The following RPS6KC1 variants were observed in gnomAD, a reference collection of about 807,000 sequenced individuals.
RPS6KC1 encodes inactive ribosomal protein S6 kinase delta-1.
A neutral mutation model predicts 103.8 loss-of-function variants in RPS6KC1; 54 were observed. The ratio of observed to expected loss-of-function variants is 0.52; its 90% CI spans 0.42 to 0.65. The LOEUF is 0.65. Ranked by LOEUF, RPS6KC1 falls within the 30% of genes least tolerant of loss-of-function variation. The probability of loss-of-function intolerance (pLI) is 0.00; values close to 1 mark genes in which losing one functional copy is unlikely to be tolerated. For missense variants in RPS6KC1, 1,151 were observed against 1,253.8 expected (o/e 0.92, Z 1.24); for synonymous variants, 439 against 438.7 (o/e 1.00, Z -0.01).
the RPS6KC1 span, among the ~76,000 whole-genome samples, chr1:213,715,504 C>T: frequency 1.3e-5 from 2 of 152,306 alleles, no homozygotes; most frequent in Middle Eastern, 3.4e-3. Flanking sequence ...GCATTTGGTT[C>T]AGGTCTTCCA....
At chr1:213,429,663 T>C in the RPS6KC1 span, among the ~76,000 whole-genome samples, 327 of 152,330 alleles carry the variant, frequency 2.1e-3, 2 homozygotes, top group African/African-American at 7.5e-3. Flanking sequence ...AACTCTATGA[T>C]GAATTCTAGT....
chr1:213,690,222 C>G, the RPS6KC1 span, among the ~76,000 whole-genome samples: 31,042 of 152,134 alleles, frequency 0.2, 3,770 homozygotes, highest in South Asian at 0.41. Context: ...TTTTTCTTCT[C>G]TTTTGTTCCT....
At chr1:213,512,745 T>C in the RPS6KC1 span, among the ~76,000 whole-genome samples, 8 of 152,204 alleles carry the variant, frequency 5.3e-5, no homozygotes, top group Admixed American at 2.0e-4. Context: ...GAAGAAGTAG[T>C]GTTGTCCTTG....
the RPS6KC1 span, among the ~76,000 whole-genome samples, chr1:213,595,190 A>G: frequency 6.6e-6 from 1 of 152,158 alleles, no homozygotes; most frequent in African/African-American, 2.4e-5. Context: ...AAACGCCACC[A>G]TTATCTGTAT....
chr1:213,264,377 T>A (rs1051103122), intron 14 of RPS6KC1, among the ~76,000 whole-genome samples: 1 of 152,202 alleles, frequency 6.6e-6, no homozygotes, highest in Non-Finnish European at 1.5e-5. Flanking sequence ...TTCATCTTAT[T>A]CGTTGTGGCA....
chr1:213,233,774 C>G (rs1297550212), intron 10 of RPS6KC1, among the ~76,000 whole-genome samples: 1 of 152,008 alleles, frequency 6.6e-6, no homozygotes, highest in Non-Finnish European at 1.5e-5. Context: ...ATTTTAGATC[C>G]TTCTTTACTA....
chr1:213,327,437 C>T, the RPS6KC1 span, among the ~76,000 whole-genome samples: 1 of 152,218 alleles, frequency 6.6e-6, no homozygotes, highest in South Asian at 2.1e-4. Flanking sequence ...GGCACTTTGG[C>T]ATGTGCCTCC....
chr1:213,130,560 A>T (rs1166461213), intron 6 of RPS6KC1, among the ~76,000 whole-genome samples: 2 of 152,176 alleles, frequency 1.3e-5, no homozygotes, highest in Non-Finnish European at 2.9e-5. Flanking sequence ...CATTTACAGA[A>T]GATCATCATT....
the RPS6KC1 span, among the ~76,000 whole-genome samples, chr1:213,681,462 G>A: frequency 2.4e-4 from 36 of 152,196 alleles, no homozygotes; most frequent in African/African-American, 8.4e-4. Flanking sequence ...ATAATGGAGA[G>A]AGAGAGAGAC....
the RPS6KC1 span, among the ~76,000 whole-genome samples, chr1:213,360,401 G>C: frequency 6.6e-6 from 1 of 152,138 alleles, no homozygotes; most frequent in Non-Finnish European, 1.5e-5. Context: ...ATGGTTTTCA[G>C]CTCCATCAGG....
At chr1:213,653,664 C>T in the RPS6KC1 span, among the ~76,000 whole-genome samples, 3 of 152,166 alleles carry the variant, frequency 2.0e-5, no homozygotes, top group Non-Finnish European at 4.4e-5. Flanking sequence ...ATATCTATCT[C>T]TCCCCTAGAT....
chr1:213,587,586 A>C, the RPS6KC1 span, among the ~76,000 whole-genome samples: 1 of 152,250 alleles, frequency 6.6e-6, no homozygotes, highest in East Asian at 1.9e-4. Flanking sequence ...ATACATAAAA[A>C]ATGAAATAAT....
chr1:213,585,974 C>G, the RPS6KC1 span, among the ~76,000 whole-genome samples: 2 of 152,162 alleles, frequency 1.3e-5, no homozygotes, highest in African/African-American at 4.8e-5. Flanking sequence ...GAATATGACT[C>G]CACCTTTCCC....
the RPS6KC1 span, among the ~76,000 whole-genome samples, chr1:213,860,337 C>T: frequency 6.6e-6 from 1 of 151,348 alleles, no homozygotes; most frequent in African/African-American, 2.4e-5. Context: ...ACTTCAACGA[C>T]TATTTATGAA....
the RPS6KC1 span, among the ~76,000 whole-genome samples, chr1:213,328,673 G>A: frequency 6.6e-6 from 1 of 151,390 alleles, no homozygotes; most frequent in Non-Finnish European, 1.5e-5. Flanking sequence ...AAAGGGGAGA[G>A]GAGAAAGGAA....
the RPS6KC1 span, among the ~76,000 whole-genome samples, chr1:213,309,275 A>C: frequency 3.9e-5 from 6 of 152,228 alleles, no homozygotes; most frequent in East Asian, 1.9e-4. Flanking sequence ...AGCCTGGGTG[A>C]CAGAGTGAGA....
chr1:213,454,379 C>G, the RPS6KC1 span, among the ~76,000 whole-genome samples: 2 of 152,140 alleles, frequency 1.3e-5, no homozygotes, highest in African/African-American at 2.4e-5. Context: ...AATAAAATTG[C>G]ACATTTTTCT....
chr1:213,814,479 G>C, the RPS6KC1 span, among the ~76,000 whole-genome samples: 1 of 152,226 alleles, frequency 6.6e-6, no homozygotes, highest in South Asian at 2.1e-4. Flanking sequence ...AAGCAGATAT[G>C]CTTTCTTGGA....
chr1:213,243,378 T>C (rs2094397858), intron 12 of RPS6KC1, among the ~76,000 whole-genome samples: 1 of 152,046 alleles, frequency 6.6e-6, no homozygotes, highest in South Asian at 2.1e-4. Context: ...CCCCAGCCTC[T>C]GGAATAGCTG....
Sources: gnomAD v4.1 joint callset for allele counts (sites outside exome capture counted in the v4.1 genomes callset) on GRCh38, gnomAD v4.1.1 for gene constraint, MANE v1.5 for transcripts, NCBI Gene and HGNC (gene_info 2026-07-23, HGNC 2026-07-21) for gene names.